ASTN2: variants seen among roughly 807,000 people sequenced by gnomAD.
ASTN2 encodes the protein astrotactin 2.
Under a neutral mutation model 139.8 loss-of-function variants are expected in ASTN2, and 54 were observed. The ratio of observed to expected loss-of-function variants is 0.39; its 90% CI spans 0.31 to 0.48. The LOEUF is 0.48. ASTN2 is among the 20% of genes least tolerant of loss of function. The pLI, the probability that ASTN2 is intolerant of heterozygous loss-of-function variation, is 0.95. For synonymous variants in ASTN2, 756 were observed against 719.5 expected, an observed-to-expected ratio of 1.05 and a Z score of -0.81; for missense variants, 1,565 against 1,725.1, an observed-to-expected ratio of 0.91 and a Z score of 1.64.
At chr9:117,117,681 T>G (rs917038515) in intron 4 of ASTN2, among the ~76,000 whole-genome samples, 13 of 152,262 alleles carry the variant, frequency 8.5e-5, no homozygotes, top group African/African-American at 2.4e-4. Flanking sequence ...AATTTAATCC[T>G]GTTTGCTGAG....
At chr9:116,688,435 A>G (rs1860385693) in intron 16 of ASTN2, among the ~76,000 whole-genome samples, 1 of 152,122 alleles carries the variant, frequency 6.6e-6, no homozygotes, top group Non-Finnish European at 1.5e-5. Flanking sequence ...AAGGACCTAA[A>G]AGTAATGTAT....
At chr9:117,205,606 T>C (rs191582384) in intron 3 of ASTN2, among the ~76,000 whole-genome samples, 23 of 152,278 alleles carry the variant, frequency 1.5e-4, no homozygotes, top group Non-Finnish European at 2.6e-4. Flanking sequence ...CCCCCGACTT[T>C]TTCTGTTTGT....
chr9:117,210,246 TA>T (rs969427381), intron 3 of ASTN2, among the ~76,000 whole-genome samples: 2 of 151,858 alleles, frequency 1.3e-5, no homozygotes, highest in African/African-American at 4.8e-5. Flanking sequence ...AAAAGATCAA[TA>T]AAACACAAAG....
At chr9:116,476,645 C>T (rs1387884557) in intron 20 of ASTN2, among the ~76,000 whole-genome samples, 2 of 152,320 alleles carry the variant, frequency 1.3e-5, no homozygotes, top group South Asian at 2.1e-4. Flanking sequence ...CAAATATGCG[C>T]TTTTCTTGAA....
At chr9:116,757,312 T>C (rs1023065598) in intron 13 of ASTN2, among the ~76,000 whole-genome samples, 27 of 152,206 alleles carry the variant, frequency 1.8e-4, no homozygotes, top group African/African-American at 4.8e-4. Context: ...AATTTGCGAC[T>C]GCATCTGTGA....
chr9:116,657,713 C>A lies in ASTN2; in HGVS notation c.2807-5920G>T, dbSNP rs371920757. ...AAAATTAGCTGGGCCTGTTGGCACA[C>A]GCCTGTAATCTCAGTTATTTGGGAG... On this transcript the variant is annotated intron_variant, in intron 16 of 22. Transcript: ENST00000313400. Among the ~76,000 whole-genome samples, 15 of 152,290 alleles carry A rather than the reference C, an allele frequency of 9.8e-5. No homozygotes were observed. In the East Asian group the frequency reaches 2.9e-3, roughly 30 times the overall value.
chr9:116,985,534 C>A (rs1836652977), intron 7 of ASTN2, among the ~76,000 whole-genome samples: 2 of 152,312 alleles, frequency 1.3e-5, no homozygotes, highest in Non-Finnish European at 2.9e-5. Context: ...TTTCCACTGG[C>A]CCTATTCCCT....
chr9:116,475,683 G>A (rs187452231), intron 20 of ASTN2, among the ~76,000 whole-genome samples: 151 of 152,206 alleles, frequency 9.9e-4, no homozygotes, highest in Middle Eastern at 3.4e-3. Flanking sequence ...CAAGGGCCTC[G>A]GGGACCTGCT....
chr9:117,172,634 G>A (rs1013824611), intron 3 of ASTN2, among the ~76,000 whole-genome samples: 3 of 152,094 alleles, frequency 2.0e-5, no homozygotes, highest in Admixed American at 2.0e-4. Context: ...AGGTGGATGT[G>A]ATCTGGGAAT....
At chr9:116,493,005 G>GT (rs1849563973) in intron 19 of ASTN2, among the ~76,000 whole-genome samples, 3 of 151,980 alleles carry the variant, frequency 2.0e-5, no homozygotes, top group Non-Finnish European at 4.4e-5. Context: ...TTTTTATTTA[G>GT]TTTTTTACAA....
intron 3 of ASTN2, among the ~76,000 whole-genome samples, chr9:117,152,975 T>C (rs1004029629): frequency 2.6e-5 from 4 of 152,140 alleles, no homozygotes; most frequent in African/African-American, 9.7e-5. Flanking sequence ...ATAATGTCCA[T>C]GGTACATGGA....
At chr9:116,493,717 C>T (rs769373304) in intron 19 of ASTN2, among the ~76,000 whole-genome samples, 12 of 152,010 alleles carry the variant, frequency 7.9e-5, no homozygotes, top group Non-Finnish European at 1.5e-4. Flanking sequence ...CCGTCAAAGC[C>T]GGCCACATGA....
intron 13 of ASTN2, among the ~76,000 whole-genome samples, chr9:116,786,924 C>T (rs1046835642): frequency 7.9e-5 from 12 of 152,106 alleles, no homozygotes; most frequent in Non-Finnish European, 1.8e-4. Flanking sequence ...TCAGTCAGTT[C>T]TAAAGAGAGC....
chr9:116,616,091 C>T (rs116301430), intron 19 of ASTN2, among the ~76,000 whole-genome samples: 1,864 of 152,182 alleles, frequency 0.012, 23 homozygotes, highest in African/African-American at 0.039. Flanking sequence ...AATAAATAAA[C>T]GTCATCAAAA....
At chr9:117,153,853 T>C (rs558674565) in intron 3 of ASTN2, among the ~76,000 whole-genome samples, 12 of 152,130 alleles carry the variant, frequency 7.9e-5, no homozygotes, top group Non-Finnish European at 1.8e-4. Context: ...TGAGCTATGC[T>C]TGCCGAATGA....
At chr9:117,191,227 C>CAAAAAAAAAAA (rs35328157) in intron 3 of ASTN2, among the ~76,000 whole-genome samples, 2 of 62,484 alleles carry the variant, frequency 3.2e-5, no homozygotes, top group Non-Finnish European at 6.8e-5. Context: ...TACAAAATAG[C>CAAAAAAAAAAA]AAAAAAAAAA....
intron 16 of ASTN2, among the ~76,000 whole-genome samples, chr9:116,716,142 G>A (rs2132103101): frequency 6.6e-6 from 1 of 152,258 alleles, no homozygotes; most frequent in Middle Eastern, 3.4e-3. Flanking sequence ...CTCTGTCTGG[G>A]ACTGTGACTG....
At chr9:116,828,823 G>T (rs944784398) in intron 11 of ASTN2, among the ~76,000 whole-genome samples, 1 of 152,154 alleles carries the variant, frequency 6.6e-6, no homozygotes, top group South Asian at 2.1e-4. Flanking sequence ...ACTCTATCAA[G>T]TTTCAAGATA....
intron 17 of ASTN2, among the ~76,000 whole-genome samples, chr9:116,630,946 T>C (rs1856716405): frequency 2.0e-5 from 3 of 152,036 alleles, no homozygotes; most frequent in South Asian, 2.1e-4. Flanking sequence ...GCCAAGTATA[T>C]GAAAAAAATG....
Sources: gnomAD v4.1 joint callset for allele counts (sites outside exome capture counted in the v4.1 genomes callset) on GRCh38, gnomAD v4.1.1 for gene constraint, MANE v1.5 for transcripts, NCBI Gene and HGNC (gene_info 2026-07-23, HGNC 2026-07-21) for gene names.